BEND7: variants seen among roughly 807,000 people sequenced by gnomAD.
BEND7 encodes the protein BEN domain-containing protein 7.
BEND7 carries 28 observed loss-of-function variants against 50.9 expected under a neutral mutation model. The ratio of observed to expected loss-of-function variants is 0.55; its 90% confidence interval spans 0.41 to 0.75. BEND7 has a LOEUF of 0.75. Ranked by LOEUF, BEND7 falls within the 30% of genes least tolerant of loss-of-function variation. The pLI, the probability that BEND7 is intolerant of heterozygous loss-of-function variation, is 0.00. For synonymous variants in BEND7, 170 were observed against 183.9 expected, an observed-to-expected ratio of 0.92 and a Z score of 0.61; for missense variants, 477 against 491.3, an observed-to-expected ratio of 0.97 and a Z score of 0.28.
At chr10:13,481,667 C>T (rs2075870494) in intron 5 of BEND7, among the ~76,000 whole-genome samples, 1 of 152,080 alleles carries the variant, frequency 6.6e-6, no homozygotes, top group Non-Finnish European at 1.5e-5. Flanking sequence ...TTTTTTTTCC[C>T]CAATGAAAAC....
chr10:13,452,514 T>C, intron 7 of BEND7, 25 bp downstream of exon 7: 2 of 1,583,752 alleles, frequency 1.3e-6, no homozygotes, highest in Non-Finnish European at 1.7e-6. Flanking sequence ...GCTTCTCCAA[T>C]TATTTTTCTG....
At chr10:13,511,821 C>T (rs576756515) in intron 2 of BEND7, among the ~76,000 whole-genome samples, 12 of 152,244 alleles carry the variant, frequency 7.9e-5, no homozygotes, top group African/African-American at 2.4e-4. Context: ...CCAGGAGATG[C>T]AGAGACTGTG....
At chr10:13,486,782 G>A (rs776719669) in intron 5 of BEND7, among the ~76,000 whole-genome samples, 8 of 152,270 alleles carry the variant, frequency 5.3e-5, no homozygotes, top group South Asian at 2.1e-4. Context: ...AGACATTCCC[G>A]TCTTTTAGAG....
rs2075812415 is a variant in BEND7, at chr10:13,480,936, C to T, written c.1026G>A (p.Arg342=). Residue 342 remains arginine (R), a synonymous_variant, in exon 6 of 9, where the codon CGG becomes CGA. Coordinates refer to ENST00000466271, the MANE Select transcript of BEND7 (RefSeq NM_001369863.1). ...CCACAATATTTTGGTCTAGTCCTTTCCGGTTGTCATTGAGTCCTCTTTTCC... is the reference window on the plus strand; with the variant it reads ...CCACAATATTTTGGTCTAGTCCTTTTCGGTTGTCATTGAGTCCTCTTTTCC... The part of the protein sequence containing the change: ...GKRKRGLNDN[R]KGLDQNIVGA... 14 of 1,614,068 alleles carry T rather than the reference C, an allele frequency of 8.7e-6. No individual in the cohort carries two copies. Among genetic ancestry groups the T allele is most frequent in the Non-Finnish European group, 1.0e-5 (12 of 1,180,046 alleles).
chr10:13,497,638 T>A (rs1405453521), intron 3 of BEND7, among the ~76,000 whole-genome samples: 1 of 152,184 alleles, frequency 6.6e-6, no homozygotes, highest in African/African-American at 2.4e-5. Context: ...ACCTATCTTA[T>A]TCTGTTTCTC....
Position 13,499,828 on chromosome 10 carries a change from G to A in BEND7, c.398C>T (p.Thr133Ile). The A allele has an allele frequency of 6.2e-7, 1 of 1,614,006 alleles. No homozygotes were observed. Among genetic ancestry groups the A allele is most frequent in the Non-Finnish European group, 8.5e-7 (1 of 1,179,900 alleles). The change falls in exon 3 of 9, where the codon ACC becomes ATC. Residue 133 changes from threonine to isoleucine, a missense_variant. By Grantham distance (89) the Thr-to-Ile change is moderately conservative. Transcript: ENST00000466271. ...QSGQFSGQYG[T>I]RSRTFQSQPH... ...CTGGCTTTGGAAGGTTCTAGAACGG[G>A]TGCCATACTGCCCTGAGAACTGTCC...
At chr10:13,473,643 T>C (rs1415154362) in intron 6 of BEND7, among the ~76,000 whole-genome samples, 1 of 148,246 alleles carries the variant, frequency 6.7e-6, no homozygotes, top group Non-Finnish European at 1.5e-5. Flanking sequence ...TCGTCATCGC[T>C]GTGAGACTTG....
chr10:13,516,560 C>T (rs182287979), intron 2 of BEND7, among the ~76,000 whole-genome samples: 1 of 152,180 alleles, frequency 6.6e-6, no homozygotes, highest in Non-Finnish European at 1.5e-5. Context: ...ACCCCGTCTC[C>T]ACTAAAAATA....
At chr10:13,527,932 T>C (rs916427614) in intron 1 of BEND7, 1 of 755,694 alleles carries the variant, frequency 1.3e-6, no homozygotes, top group Non-Finnish European at 1.6e-6. Flanking sequence ...TGCTATATGA[T>C]CTAGTCTAAA....
At chr10:13,523,391 A>C (rs2079210556) in intron 2 of BEND7, among the ~76,000 whole-genome samples, 1 of 152,236 alleles carries the variant, frequency 6.6e-6, no homozygotes, top group Non-Finnish European at 1.5e-5. Context: ...AACAGCCTAA[A>C]CATGTTCCAG....
chr10:13,513,599 G>A (rs558059565), intron 2 of BEND7, among the ~76,000 whole-genome samples: 27 of 152,228 alleles, frequency 1.8e-4, no homozygotes, highest in South Asian at 1.0e-3. Context: ...AATTACTTTA[G>A]AATTCTACTG....
chr10:13,447,965 G>C (rs866458356), intron 7 of BEND7, among the ~76,000 whole-genome samples: 70 of 152,194 alleles, frequency 4.6e-4, no homozygotes, highest in Middle Eastern at 3.4e-3. Context: ...GGCATCGCCG[G>C]AACCACTCCT....
At chr10:13,439,721 CTCT>C (rs1342523685), downstream of BEND7, among the ~76,000 whole-genome samples, 3 of 152,220 alleles carry the variant, frequency 2.0e-5, no homozygotes, top group African/African-American at 7.2e-5. Flanking sequence ...TTCCAACAGC[CTCT>C]TCTTGGGATC....
At chr10:13,499,080 T>C (rs1038375497) in intron 3 of BEND7, among the ~76,000 whole-genome samples, 5 of 152,230 alleles carry the variant, frequency 3.3e-5, no homozygotes, top group Admixed American at 1.3e-4. Flanking sequence ...ACAGAGTTTA[T>C]AGAACAAATA....
rs762224317 is a variant in BEND7, at chr10:13,441,617, A to G, written c.*126T>C. ...CCAGCAACATACTCATCCTATTTTA[A>G]CACGGCGAAAGGTCACCAATTAATC... On this transcript the variant is annotated 3_prime_UTR_variant, in exon 9 of 9. Coordinates refer to ENST00000466271, the MANE Select transcript of BEND7 (RefSeq NM_001369863.1). 429 of 1,551,344 alleles carry G rather than the reference A, an allele frequency of 2.8e-4. No individual in the cohort carries two copies. Among genetic ancestry groups the G allele is most frequent in the Non-Finnish European group, 3.6e-4 (414 of 1,150,918 alleles).
At chr10:13,461,285 C>T (rs1313513049) in intron 6 of BEND7, among the ~76,000 whole-genome samples, 1 of 152,156 alleles carries the variant, frequency 6.6e-6, no homozygotes, top group Non-Finnish European at 1.5e-5. Flanking sequence ...ACCCACAGGG[C>T]AAGGGCAAGG....
At chr10:13,518,431 G>A (rs2078855009) in intron 2 of BEND7, among the ~76,000 whole-genome samples, 1 of 152,180 alleles carries the variant, frequency 6.6e-6, no homozygotes. Context: ...TTTAATACAT[G>A]GCTTTATGTC....
chr10:13,519,330 G>A (rs1419162769), intron 2 of BEND7, among the ~76,000 whole-genome samples: 3 of 152,104 alleles, frequency 2.0e-5, no homozygotes. Flanking sequence ...AAAAAAATTA[G>A]CCGGGTGTGG....
At chr10:13,447,033 C>T (rs1836487191) in intron 8 of BEND7, 1 of 554,694 alleles carries the variant, frequency 1.8e-6, no homozygotes, top group African/African-American at 1.9e-5. Flanking sequence ...TTAGGATTTG[C>T]TCTTCTGAGA....
Sources: gnomAD v4.1 joint callset for allele counts (sites outside exome capture counted in the v4.1 genomes callset) on GRCh38, gnomAD v4.1.1 for gene constraint, MANE v1.5 for transcripts, NCBI Gene and HGNC (gene_info 2026-07-23, HGNC 2026-07-21) for gene names.